TIPIN: variants seen among roughly 807,000 people sequenced by gnomAD.
The protein encoded by TIPIN is TIMELESS interacting protein.
Under a neutral mutation model 35.6 loss-of-function variants are expected in TIPIN, and 29 were observed. The observed-to-expected ratio is 0.82, with a 90% CI of 0.61 to 1.11. TIPIN has a LOEUF of 1.11. Among genes scored for constraint, TIPIN ranks in the 50% most tolerant of loss-of-function variants. The pLI is 0.00. For synonymous variants in TIPIN, 102 were observed against 121.5 expected (o/e 0.84, Z 1.06); for missense variants, 296 against 345.4 (o/e 0.86, Z 1.13).
chr15:66,359,034 C>T (rs2093219440), upstream of TIPIN, among the ~76,000 whole-genome samples: 1 of 149,294 alleles, frequency 6.7e-6, no homozygotes, highest in Admixed American at 6.7e-5. Flanking sequence ...TATAACTAGA[C>T]TCTGTCTCAA....
chr15:66,375,668 G>A (rs1191179499), intron 1 of TIPIN, among the ~76,000 whole-genome samples: 3 of 150,628 alleles, frequency 2.0e-5, no homozygotes, highest in East Asian at 2.0e-4. Flanking sequence ...GTGAAACCCC[G>A]TCTCTACTAG....
At chr15:66,359,004 C>T (rs115701797), upstream of TIPIN, among the ~76,000 whole-genome samples, 2,292 of 150,776 alleles carry the variant, frequency 0.015, 64 homozygotes, top group African/African-American at 0.054. Context: ...GATCACACCA[C>T]GGCACTCCAG....
upstream of TIPIN, among the ~76,000 whole-genome samples, chr15:66,359,268 CTTTAT>C (rs982470245): frequency 4.0e-5 from 6 of 151,856 alleles, no homozygotes; most frequent in South Asian, 2.1e-4. Flanking sequence ...GTCACATTTC[CTTTAT>C]TTTATGATTT....
upstream of TIPIN, among the ~76,000 whole-genome samples, chr15:66,359,198 CAAAG>C (rs2093220745): frequency 7.0e-6 from 1 of 143,788 alleles, no homozygotes; most frequent in Non-Finnish European, 1.5e-5. Context: ...CACACACACA[CAAAG>C]ATAGAAAGTA....
intron 7 of TIPIN, among the ~76,000 whole-genome samples, chr15:66,337,697 G>A (rs759003648): frequency 1.3e-5 from 2 of 151,520 alleles, no homozygotes; most frequent in East Asian, 3.9e-4. Context: ...CAATGTGGGA[G>A]GATCATTGGA....
chr15:66,368,408 C>T (rs2093265943), intron 1 of TIPIN, among the ~76,000 whole-genome samples: 1 of 151,414 alleles, frequency 6.6e-6, no homozygotes, highest in Non-Finnish European at 1.5e-5. Flanking sequence ...GTCCCAGCTG[C>T]TTGGGAGGCT....
intron 6 of TIPIN, 23 bp downstream of exon 6, chr15:66,349,037 A>G (rs780283675): frequency 6.3e-7 from 1 of 1,587,622 alleles, no homozygotes; most frequent in South Asian, 1.1e-5. Context: ...ATTGTTATAA[A>G]GTAGATAAAC....
intron 1 of TIPIN, 46 bp from the exon 2 acceptor site, chr15:66,353,001 C>T (rs2140465487): frequency 1.3e-6 from 2 of 1,567,164 alleles, no homozygotes; most frequent in South Asian, 1.2e-5. Context: ...AAAATAGTCT[C>T]CACTATATAG....
At chr15:66,379,609 C>T (rs368460457) in intron 1 of TIPIN, 3 of 1,609,894 alleles carry the variant, frequency 1.9e-6, no homozygotes, top group African/African-American at 2.7e-5. Context: ...GGGATAACGA[C>T]GATGATGGGG....
At chr15:66,339,164 AGAAAAAGTAAATTCATCTTAACTG>A (rs2093068304) in intron 7 of TIPIN, among the ~76,000 whole-genome samples, 1 of 150,778 alleles carries the variant, frequency 6.6e-6, no homozygotes, top group Non-Finnish European at 1.5e-5. Flanking sequence ...AAAAGCAAAA[AGAAAAAGTAAATTCATCTTAACTG>A]AAAAAAAAAG....
intron 1 of TIPIN, among the ~76,000 whole-genome samples, chr15:66,375,440 G>T (rs1287712394): frequency 1.3e-5 from 2 of 150,594 alleles, no homozygotes; most frequent in African/African-American, 4.9e-5. Flanking sequence ...CTCCCAAAGT[G>T]CTGAGATTAC....
At chr15:66,364,673 A>C (rs2093246327) in intron 1 of TIPIN, among the ~76,000 whole-genome samples, 1 of 152,162 alleles carries the variant, frequency 6.6e-6, no homozygotes, top group African/African-American at 2.4e-5. Context: ...CAAAGTATGG[A>C]GAGGCATGTA....
chr15:66,355,644 G>A (rs879887605), intron 1 of TIPIN, among the ~76,000 whole-genome samples: 5 of 151,936 alleles, frequency 3.3e-5, no homozygotes, highest in Non-Finnish European at 7.4e-5. Flanking sequence ...CCAGCTACTC[G>A]GGAGGCTGAG....
chr15:66,367,977 G>A (rs1166889461), intron 1 of TIPIN, among the ~76,000 whole-genome samples: 1 of 151,508 alleles, frequency 6.6e-6, no homozygotes, highest in Non-Finnish European at 1.5e-5. Flanking sequence ...GGGACTACAG[G>A]TGCGCGCCAC....
intron 1 of TIPIN, among the ~76,000 whole-genome samples, chr15:66,376,291 GATTT>G (rs1224294840): frequency 6.6e-6 from 1 of 152,056 alleles, no homozygotes; most frequent in African/African-American, 2.4e-5. Context: ...AATGTGTCAT[GATTT>G]ATTTGTATGT....
chr15:66,337,327 T>A, intron 7 of TIPIN, 146 bp from the exon 8 acceptor site: 3 of 467,142 alleles, frequency 6.4e-6, no homozygotes, highest in Non-Finnish European at 1.1e-5. Flanking sequence ...TCTAAATATA[T>A]CTTTTTTTTT....
upstream of TIPIN, among the ~76,000 whole-genome samples, chr15:66,357,594 GCA>G (rs1491512678): frequency 1.8e-4 from 3 of 17,074 alleles, no homozygotes; most frequent in Non-Finnish European, 3.2e-4. Context: ...AGATCTTGTC[GCA>G]AAAAAAAAAA....
At chr15:66,337,763 C>T (rs1464608048) in intron 7 of TIPIN, among the ~76,000 whole-genome samples, 1 of 82,974 alleles carries the variant, frequency 1.2e-5, no homozygotes, top group Non-Finnish European at 2.4e-5. Context: ...GTCAACAAAA[C>T]ATCAAAAAAA....
intron 1 of TIPIN, chr15:66,371,318 C>A: frequency 1.1e-5 from 11 of 984,502 alleles, no homozygotes; most frequent in Non-Finnish European, 1.3e-5. Context: ...ATTTAAAAAA[C>A]AGAAAAATTT....
Sources: allele counts gnomAD v4.1 joint callset (sites outside exome capture counted in the v4.1 genomes callset), GRCh38; gene constraint gnomAD v4.1.1; transcripts MANE v1.5; gene names NCBI Gene and HGNC (gene_info 2026-07-23, HGNC 2026-07-21).